Variants in GNG4 observed in about 807,000 individuals in gnomAD.
GNG4 encodes guanine nucleotide-binding protein G(I)/G(S)/G(O) subunit gamma-4.
In GNG4, 4 loss-of-function variants were observed where a neutral mutation model predicts 5.8. The observed-to-expected ratio is 0.69, with a 90% CI of 0.34 to 1.57. The LOEUF is 1.57. GNG4 is among the 40% of genes most tolerant of loss of function. The pLI, the probability that GNG4 is intolerant of heterozygous loss-of-function variation, is 0.06. For missense variants in GNG4, 96 were observed against 95.1 expected (o/e 1.01, Z -0.04); for synonymous variants, 29 against 32.9 (o/e 0.88, Z 0.41).
At chr1:235,630,141 C>T (rs1558503057) in intron 1 of GNG4, among the ~76,000 whole-genome samples, 1 of 152,166 alleles carries the variant, frequency 6.6e-6, no homozygotes, top group Non-Finnish European at 1.5e-5. Flanking sequence ...AGTAGAGATG[C>T]CACACATCTT....
chr1:235,633,423 C>T (rs542223029), intron 1 of GNG4, among the ~76,000 whole-genome samples: 2 of 152,280 alleles, frequency 1.3e-5, no homozygotes, highest in South Asian at 2.1e-4. Context: ...GGGAAGCCTC[C>T]GAGCAAGACA....
chr1:235,631,866 C>T (rs955533620), intron 1 of GNG4, among the ~76,000 whole-genome samples: 13 of 152,174 alleles, frequency 8.5e-5, no homozygotes, highest in African/African-American at 3.1e-4. Flanking sequence ...CCGCGCCTGG[C>T]CAGTTTTTTC....
chr1:235,631,803 G>A (rs569903087), intron 1 of GNG4, among the ~76,000 whole-genome samples: 1 of 152,058 alleles, frequency 6.6e-6, no homozygotes, highest in East Asian at 1.9e-4. Flanking sequence ...CCTGACCTCA[G>A]GTGATCCACC....
chr1:235,592,628 T>C (rs1039710896), intron 2 of GNG4, among the ~76,000 whole-genome samples: 1 of 152,204 alleles, frequency 6.6e-6, no homozygotes, highest in Admixed American at 6.5e-5. Flanking sequence ...CCTTAAGTGA[T>C]TGCAAATCAG....
intron 2 of GNG4, among the ~76,000 whole-genome samples, chr1:235,587,293 G>GGGGA (rs1553367422): frequency 1.2e-5 from 1 of 86,738 alleles, no homozygotes. Flanking sequence ...TGTGGGTTGG[G>GGGGA]GTGTGTGTGA....
intron 1 of GNG4, among the ~76,000 whole-genome samples, chr1:235,617,661 G>C (rs771173334): frequency 6.6e-6 from 1 of 152,110 alleles, no homozygotes; most frequent in African/African-American, 2.4e-5. Flanking sequence ...GAGGTGGGTG[G>C]ATCACCTGAG....
intron 3 of GNG4, among the ~76,000 whole-genome samples, chr1:235,564,862 T>C (rs1460672922): frequency 2.6e-5 from 4 of 152,122 alleles, no homozygotes; most frequent in African/African-American, 9.7e-5. Context: ...ATTTTGGTAT[T>C]CTTAGTAGAG....
intron 2 of GNG4, among the ~76,000 whole-genome samples, chr1:235,593,853 G>T (rs901140817): frequency 2.0e-5 from 3 of 152,178 alleles, no homozygotes; most frequent in Non-Finnish European, 4.4e-5. Flanking sequence ...AAGGCAGTGG[G>T]GGCCCAGAGT....
At chr1:235,558,657 C>T (rs1686980935) in intron 3 of GNG4, among the ~76,000 whole-genome samples, 1 of 152,144 alleles carries the variant, frequency 6.6e-6, no homozygotes, top group African/African-American at 2.4e-5. Context: ...TAAACATCTG[C>T]CATCTTTGGA....
chr1:235,600,428 GTGTGTGTGTGTATA>G lies in GNG4; in HGVS notation c.-122-4931_-122-4918del, dbSNP rs1289463317. On this transcript the variant is annotated intron_variant, in intron 1 of 3. Transcript: ENST00000391854. ...TGGCGCCTGGCTTTTGTGTGTGTGTGTGTGTGTGTGTATATGTGTGTGTGTGTAAGAGAGAGGGT... is the reference window on the plus strand; with the variant it reads ...TGGCGCCTGGCTTTTGTGTGTGTGTGTGTGTGTGTGTGTAAGAGAGAGGGT... Among the ~76,000 whole-genome samples, 4 of 101,618 alleles carry G rather than the reference GTGTGTGTGTGTATA, an allele frequency of 3.9e-5. No homozygotes were observed. In the East Asian group the frequency reaches 8.7e-4, roughly 22 times the overall value. The allele number at this position is 101,618 out of a possible 152,430, so 66.7% of individuals were successfully genotyped here.
rs59527448 is a variant in GNG4 at position 235,596,209 on chromosome 1, T to TACACACACACACAC, written c.-122-712_-122-699dup. On this transcript the variant is annotated intron_variant, in intron 1 of 3. Transcript: ENST00000391854. ...ACAAAACAAAAACAAACAAACAAAA[T>TACACACACACACAC]ACACACACACACACACACACACACA... Among the ~76,000 whole-genome samples the TACACACACACACAC allele has an allele frequency of 8.0e-3, 1,074 of 133,552 alleles. 9 individuals are homozygous for TACACACACACACAC. Among genetic ancestry groups the TACACACACACACAC allele is most frequent in the African/African-American group, 0.017 (613 of 36,178 alleles). The allele number at this position is 133,552 out of a possible 152,430, so 87.6% of individuals were successfully genotyped here. A position where few individuals can be genotyped will look rare whatever the true frequency, so the allele number is the denominator to read the frequency against.
intron 1 of GNG4, among the ~76,000 whole-genome samples, chr1:235,643,686 A>C (rs1486545322): frequency 6.6e-6 from 1 of 152,232 alleles, no homozygotes; most frequent in Non-Finnish European, 1.5e-5. Flanking sequence ...CCAGTAATGA[A>C]AAGGAATGTG....
chr1:235,627,081 C>T (rs1264902936), intron 1 of GNG4, among the ~76,000 whole-genome samples: 3 of 150,706 alleles, frequency 2.0e-5, no homozygotes, highest in African/African-American at 4.9e-5. Flanking sequence ...AATGCACCAT[C>T]GCTACTCACA....
intron 3 of GNG4, among the ~76,000 whole-genome samples, chr1:235,579,539 C>T (rs575374012): frequency 1.2e-4 from 18 of 151,936 alleles, no homozygotes; most frequent in African/African-American, 2.9e-4. Flanking sequence ...GTGTAAGCAG[C>T]GTGACAGTTC....
intron 3 of GNG4, among the ~76,000 whole-genome samples, chr1:235,568,743 T>A (rs1342895825): frequency 6.6e-6 from 1 of 152,122 alleles, no homozygotes; most frequent in African/African-American, 2.4e-5. Flanking sequence ...TCTGGGTTTG[T>A]ATCCTTCCTT....
intron 2 of GNG4, among the ~76,000 whole-genome samples, chr1:235,593,395 A>C (rs1688030540): frequency 6.6e-6 from 1 of 152,210 alleles, no homozygotes; most frequent in Non-Finnish European, 1.5e-5. Flanking sequence ...AATTTCTGGA[A>C]GCCAAATGTC....
chr1:235,574,814 G>A (rs1432382812), intron 3 of GNG4, among the ~76,000 whole-genome samples: 1 of 151,808 alleles, frequency 6.6e-6, no homozygotes, highest in East Asian at 1.9e-4. Context: ...TATCTGTCAC[G>A]ACACAATCCT....
At chr1:235,610,237 C>T (rs1369938980) in intron 1 of GNG4, among the ~76,000 whole-genome samples, 1 of 152,164 alleles carries the variant, frequency 6.6e-6, no homozygotes, top group Admixed American at 6.6e-5. Context: ...TTTTCTGTCT[C>T]CTCATAAGAT....
chr1:235,588,709 C>A (rs558193478), intron 2 of GNG4, among the ~76,000 whole-genome samples: 2 of 152,118 alleles, frequency 1.3e-5, no homozygotes, highest in East Asian at 3.9e-4. Flanking sequence ...CTCCCTTCAT[C>A]CTCTTCTTCC....
Sources: allele counts gnomAD v4.1 joint callset (sites outside exome capture counted in the v4.1 genomes callset), GRCh38; gene constraint gnomAD v4.1.1; transcripts MANE v1.5; gene names NCBI Gene and HGNC (gene_info 2026-07-23, HGNC 2026-07-21).